The following BCKDHB variants were observed in gnomAD, a reference collection of about 807,000 sequenced individuals.
BCKDHB encodes branched chain keto acid dehydrogenase E1 subunit beta.
A neutral mutation model predicts 48.5 loss-of-function variants in BCKDHB; 41 were observed. The observed-to-expected ratio is 0.85, with a 90% CI of 0.66 to 1.10. BCKDHB has a LOEUF of 1.10. Ranked by LOEUF, BCKDHB falls within the 50% of genes least tolerant of loss-of-function variation. The pLI is 0.00. For synonymous variants in BCKDHB, 201 were observed against 174.8 expected, an observed-to-expected ratio of 1.15 and a Z score of -1.18; for missense variants, 496 against 494.2, an observed-to-expected ratio of 1.00 and a Z score of -0.03.
intron 1 of BCKDHB, among the ~76,000 whole-genome samples, chr6:80,126,380 C>T (rs1470769148): frequency 6.6e-6 from 1 of 152,060 alleles, no homozygotes; most frequent in African/African-American, 2.4e-5. Context: ...GAAAATGGGT[C>T]TCCAGGAAAA....
At chr6:80,367,858 G>A in the BCKDHB span, among the ~76,000 whole-genome samples, 1 of 152,234 alleles carries the variant, frequency 6.6e-6, no homozygotes, top group African/African-American at 2.4e-5. Flanking sequence ...TGCACATAGT[G>A]CTTCTCCTCA....
chr6:80,159,067 A>G (rs1338620028), intron 3 of BCKDHB, among the ~76,000 whole-genome samples: 4 of 152,198 alleles, frequency 2.6e-5, no homozygotes, highest in Non-Finnish European at 5.9e-5. Context: ...AGGTGTTAAT[A>G]TTTGGTAACT....
intron 3 of BCKDHB, among the ~76,000 whole-genome samples, chr6:80,152,205 TA>T (rs1464136973): frequency 3.3e-5 from 5 of 152,036 alleles, no homozygotes; most frequent in Admixed American, 3.3e-4. Flanking sequence ...ATGTGTACAT[TA>T]ATTTGAAAAA....
At chr6:80,255,051 C>CT (rs1776993937) in intron 8 of BCKDHB, among the ~76,000 whole-genome samples, 1 of 152,114 alleles carries the variant, frequency 6.6e-6, no homozygotes, top group Non-Finnish European at 1.5e-5. Flanking sequence ...GAGGAGTGTT[C>CT]ATTGTTTAAA....
intron 8 of BCKDHB, among the ~76,000 whole-genome samples, chr6:80,271,797 A>T (rs1777756111): frequency 6.8e-6 from 1 of 148,102 alleles, no homozygotes. Context: ...TGAGCAACAG[A>T]GTGAGACTCC....
chr6:80,111,429 G>T (rs1769401156), intron 1 of BCKDHB, among the ~76,000 whole-genome samples: 1 of 152,162 alleles, frequency 6.6e-6, no homozygotes, highest in Admixed American at 6.5e-5. Context: ...CAGTGCCAGG[G>T]GTTGTAACTG....
the BCKDHB span, among the ~76,000 whole-genome samples, chr6:80,426,149 T>G: frequency 3.3e-5 from 5 of 152,288 alleles, no homozygotes; most frequent in Admixed American, 2.6e-4. Flanking sequence ...AAATGTTTTC[T>G]AGTAAGAATG....
At chr6:80,254,139 A>C (rs1776950392) in intron 8 of BCKDHB, among the ~76,000 whole-genome samples, 1 of 151,726 alleles carries the variant, frequency 6.6e-6, no homozygotes, top group African/African-American at 2.4e-5. Context: ...TCAACTCCCA[A>C]AAGGTGAAAA....
At chr6:80,171,744 A>G (rs1020364954) in intron 6 of BCKDHB, among the ~76,000 whole-genome samples, 1 of 152,166 alleles carries the variant, frequency 6.6e-6, no homozygotes, top group Admixed American at 6.6e-5. Flanking sequence ...TAAAGTGACC[A>G]TAAAGGTCTT....
chr6:80,428,519 C>T, the BCKDHB span, among the ~76,000 whole-genome samples: 1 of 152,170 alleles, frequency 6.6e-6, no homozygotes, highest in African/African-American at 2.4e-5. Context: ...TTCTCCACAT[C>T]CTCTCCAGCA....
At chr6:80,234,681 G>A (rs1776072495) in intron 8 of BCKDHB, among the ~76,000 whole-genome samples, 1 of 152,006 alleles carries the variant, frequency 6.6e-6, no homozygotes, top group South Asian at 2.1e-4. Context: ...CAATCCCACT[G>A]CTGGCTGTGT....
downstream of BCKDHB, among the ~76,000 whole-genome samples, chr6:80,347,845 A>AT (rs1172735182): frequency 1.3e-5 from 2 of 152,170 alleles, no homozygotes; most frequent in African/African-American, 4.8e-5. Flanking sequence ...GCCAAAATAC[A>AT]TTTTTGCATG....
intron 6 of BCKDHB, among the ~76,000 whole-genome samples, chr6:80,190,246 C>T (rs1006387272): frequency 1.3e-5 from 2 of 151,994 alleles, no homozygotes; most frequent in Non-Finnish European, 2.9e-5. Context: ...GGAAAAACAG[C>T]CATTATATAA....
intron 9 of BCKDHB, among the ~76,000 whole-genome samples, chr6:80,331,257 G>A (rs1769303733): frequency 1.3e-5 from 2 of 152,042 alleles, no homozygotes; most frequent in African/African-American, 2.4e-5. Context: ...AAAATAAAAA[G>A]AGTTTATTTT....
chr6:80,231,170 G>C (rs1418423006), intron 8 of BCKDHB, among the ~76,000 whole-genome samples: 1 of 152,150 alleles, frequency 6.6e-6, no homozygotes, highest in Non-Finnish European at 1.5e-5. Flanking sequence ...GGTGCTGACA[G>C]TTTATGTAAA....
At chr6:80,127,831 C>G (rs561073252) in intron 2 of BCKDHB, among the ~76,000 whole-genome samples, 33 of 152,290 alleles carry the variant, frequency 2.2e-4, no homozygotes, top group African/African-American at 7.2e-4. Context: ...AGTCAGCTTT[C>G]TCTTACAGTG....
At chr6:80,170,001 G>T in intron 5 of BCKDHB, 2 of 1,176,684 alleles carry the variant, frequency 1.7e-6, no homozygotes, top group East Asian at 3.2e-5. Context: ...TCTGTCCCCT[G>T]CCTTCTCTTT....
At chr6:80,180,820 A>G (rs1773377725) in intron 6 of BCKDHB, among the ~76,000 whole-genome samples, 1 of 152,246 alleles carries the variant, frequency 6.6e-6, no homozygotes. Flanking sequence ...ATTTTACATT[A>G]AGCAGATTAA....
At chr6:80,191,037 G>C (rs967659287) in intron 6 of BCKDHB, among the ~76,000 whole-genome samples, 2 of 152,168 alleles carry the variant, frequency 1.3e-5, no homozygotes, top group African/African-American at 2.4e-5. Context: ...CCTGTGGGCT[G>C]TTGGGTCCAG....
Sources: allele counts gnomAD v4.1 joint callset (sites outside exome capture counted in the v4.1 genomes callset), GRCh38; gene constraint gnomAD v4.1.1; transcripts MANE v1.5; gene names NCBI Gene and HGNC (gene_info 2026-07-23, HGNC 2026-07-21).